Variants in TENM3 observed in about 807,000 individuals in gnomAD.
The protein encoded by TENM3 is teneurin-3.
In TENM3, 63 loss-of-function variants were observed where a neutral mutation model predicts 255.1. That is an observed-to-expected ratio of 0.25 (90% CI 0.20 to 0.30). The LOEUF (loss-of-function observed/expected upper bound fraction) is 0.30, where lower values mean the gene tolerates loss of function less well. Ranked by LOEUF, TENM3 falls within the 10% of genes least tolerant of loss-of-function variation. TENM3 has a pLI of 1.00. For missense variants in TENM3, 2,929 were observed against 3,461.1 expected, an observed-to-expected ratio of 0.85 and a Z score of 3.86; for synonymous variants, 1,306 against 1,322.3, an observed-to-expected ratio of 0.99 and a Z score of 0.27.
chr4:182,153,651 G>A (rs1412318676), intron 1 of TENM3, among the ~76,000 whole-genome samples: 1 of 152,122 alleles, frequency 6.6e-6, no homozygotes, highest in Non-Finnish European at 1.5e-5. Flanking sequence ...TGAAGGAGAG[G>A]ACTGAGTGCT....
chr4:181,857,165 G>A, the TENM3 span, among the ~76,000 whole-genome samples: 1 of 152,138 alleles, frequency 6.6e-6, no homozygotes, highest in Non-Finnish European at 1.5e-5. Flanking sequence ...TGGAGGGGAA[G>A]GTGAGGGCAT....
chr4:182,429,561 T>C (rs952631419), intron 3 of TENM3, among the ~76,000 whole-genome samples: 2 of 152,246 alleles, frequency 1.3e-5, no homozygotes, highest in African/African-American at 4.8e-5. Context: ...AAATGACTAA[T>C]TGAATTTGAC....
At chr4:182,295,810 G>T (rs1243519731) in intron 1 of TENM3, among the ~76,000 whole-genome samples, 1 of 152,026 alleles carries the variant, frequency 6.6e-6, no homozygotes, top group Non-Finnish European at 1.5e-5. Context: ...TCTGGATAAC[G>T]CATTCACAAG....
At chr4:182,049,573 G>A in the TENM3 span, among the ~76,000 whole-genome samples, 2,841 of 152,238 alleles carry the variant, frequency 0.019, 87 homozygotes, top group African/African-American at 0.063. Flanking sequence ...GACGCATAAC[G>A]TCTCTCACTG....
chr4:182,055,136 C>T, the TENM3 span, among the ~76,000 whole-genome samples: 1 of 152,046 alleles, frequency 6.6e-6, no homozygotes. Context: ...CGCTTGAGCC[C>T]AGGAGTTCGA....
At chr4:182,689,011 A>G (rs1756808937) in intron 12 of TENM3, among the ~76,000 whole-genome samples, 1 of 152,222 alleles carries the variant, frequency 6.6e-6, no homozygotes, top group Non-Finnish European at 1.5e-5. Context: ...AACAATATTT[A>G]GCATAGATAC....
chr4:181,758,320 C>A, the TENM3 span, among the ~76,000 whole-genome samples: 2 of 152,168 alleles, frequency 1.3e-5, no homozygotes, highest in African/African-American at 2.4e-5. Context: ...GAGAAGGAGG[C>A]TTCTTAGCTT....
the TENM3 span, among the ~76,000 whole-genome samples, chr4:181,548,191 G>C: frequency 5.3e-5 from 8 of 152,182 alleles, no homozygotes; most frequent in African/African-American, 1.9e-4. Context: ...GGAGAAATAG[G>C]AACATTTTTA....
At chr4:182,005,608 T>C in the TENM3 span, among the ~76,000 whole-genome samples, 3 of 152,178 alleles carry the variant, frequency 2.0e-5, no homozygotes, top group Non-Finnish European at 2.9e-5. Context: ...CTGTGAAGAA[T>C]GTCAATGGTA....
the TENM3 span, among the ~76,000 whole-genome samples, chr4:181,681,827 A>C: frequency 6.6e-6 from 1 of 152,154 alleles, no homozygotes; most frequent in East Asian, 1.9e-4. Flanking sequence ...TAAATATTTC[A>C]ATTTGAAATA....
intron 1 of TENM3, among the ~76,000 whole-genome samples, chr4:182,198,660 C>T (rs778568341): frequency 1.3e-5 from 2 of 152,224 alleles, no homozygotes; most frequent in African/African-American, 2.4e-5. Context: ...TAGGTGCAGG[C>T]GACCATTTCC....
chr4:182,628,101 T>C (rs962498507), intron 4 of TENM3, among the ~76,000 whole-genome samples: 16 of 152,184 alleles, frequency 1.1e-4, no homozygotes, highest in African/African-American at 3.9e-4. Flanking sequence ...GTAACCGAAC[T>C]TGTTTTTATA....
At chr4:181,573,870 C>T in the TENM3 span, among the ~76,000 whole-genome samples, 1 of 152,156 alleles carries the variant, frequency 6.6e-6, no homozygotes, top group East Asian at 1.9e-4. Flanking sequence ...CAAGTATATT[C>T]TTCAGAACAA....
chr4:182,098,447 A>T, the TENM3 span, among the ~76,000 whole-genome samples: 4 of 152,322 alleles, frequency 2.6e-5, no homozygotes, highest in East Asian at 5.8e-4. Flanking sequence ...TGTCTATCAG[A>T]GGATGGATAA....
chr4:182,473,726 T>G (rs1473272949), intron 3 of TENM3, among the ~76,000 whole-genome samples: 2 of 151,896 alleles, frequency 1.3e-5, no homozygotes, highest in Non-Finnish European at 2.9e-5. Flanking sequence ...GGCTCCGCAA[T>G]TTTGGAGGCC....
the TENM3 span, among the ~76,000 whole-genome samples, chr4:181,933,415 A>C: frequency 6.6e-6 from 1 of 152,196 alleles, no homozygotes; most frequent in African/African-American, 2.4e-5. Flanking sequence ...AACTAGGTCC[A>C]TTACACCAAT....
chr4:182,240,023 A>T (rs1322604926), upstream of TENM3, among the ~76,000 whole-genome samples: 1 of 152,206 alleles, frequency 6.6e-6, no homozygotes, highest in East Asian at 1.9e-4. Flanking sequence ...CTGTAATAAC[A>T]GTTGTAGAGT....
At chr4:182,066,759 A>G in the TENM3 span, among the ~76,000 whole-genome samples, 4 of 151,992 alleles carry the variant, frequency 2.6e-5, no homozygotes, top group Middle Eastern at 6.8e-3. Flanking sequence ...AAATACAAAA[A>G]AATTAGCCGG....
At chr4:181,557,827 G>A in the TENM3 span, among the ~76,000 whole-genome samples, 5 of 152,120 alleles carry the variant, frequency 3.3e-5, no homozygotes, top group Admixed American at 3.3e-4. Context: ...CACCACGCCT[G>A]ACCTCTCCAT....
Sources: allele counts gnomAD v4.1 joint callset (sites outside exome capture counted in the v4.1 genomes callset), GRCh38; gene constraint gnomAD v4.1.1; transcripts MANE v1.5; gene names NCBI Gene and HGNC (gene_info 2026-07-23, HGNC 2026-07-21).